The following GPR65 variants were observed in gnomAD, a reference collection of about 807,000 sequenced individuals.
The protein encoded by GPR65 is T-cell death-associated gene 8 protein.
Under a neutral mutation model 0.7 loss-of-function variants are expected in GPR65, and 2 were observed. That is an observed-to-expected ratio of 2.83 (90% CI 1.16 to 8.92). The LOEUF is 8.92. Ranked by LOEUF, GPR65 falls within the 30% of genes most tolerant of loss-of-function variation. The pLI, the probability that GPR65 is intolerant of heterozygous loss-of-function variation, is 0.04. For missense variants in GPR65, 379 were observed against 399.4 expected, an observed-to-expected ratio of 0.95 and a Z score of 0.43; for synonymous variants, 128 against 146.5, an observed-to-expected ratio of 0.87 and a Z score of 0.91.
At position 88,010,874 on chromosome 14, in the gene GPR65, G is replaced by A. The variant is rs1432628783; in HGVS notation, c.27G>A (p.Gln9=). ...TGAACAGCACATGTATTGAAGAACA[G>A]CATGACCTGGATCACTATTTGTTTC... MNSTCIEE[Q]HDLDHYLFPI... is the part of the protein sequence containing the mutation. Residue 9 remains glutamine (Q), a synonymous_variant, in exon 2 of 2, where the codon CAG becomes CAA. Transcript: ENST00000267549. 1.2e-6 allele frequency: 2 copies of A among 1,612,990 alleles called. No individual in the cohort carries two copies. The highest frequency in any genetic ancestry group is 2.7e-5 in the African/African-American group (2 of 74,894).
chr14:88,007,440 A>T (rs1322253811), intron 1 of GPR65, among the ~76,000 whole-genome samples: 1 of 151,920 alleles, frequency 6.6e-6, no homozygotes, highest in Non-Finnish European at 1.5e-5. Flanking sequence ...TAACATGCTG[A>T]TAATTTTGTG....
chr14:88,011,590 T>G lies in GPR65; in HGVS notation c.743T>G (p.Ile248Ser). Reference protein sequence around the residue: ...CFTPFHVMLLIRCILEHAVNF... With the variant: ...CFTPFHVMLLSRCILEHAVNF... Reference sequence around the variant, plus strand: ...ACTCCCTTTCATGTGATGTTGCTGATTCGCTGCATTTTAGAGCATGCTGTG... The same window carrying G: ...ACTCCCTTTCATGTGATGTTGCTGAGTCGCTGCATTTTAGAGCATGCTGTG... Residue 248 changes from isoleucine to serine, a missense_variant, in exon 2 of 2, where the codon ATT becomes AGT. Physicochemically the swap from Ile to Ser is moderately radical, Grantham distance 142. Transcript: ENST00000267549. 1 of 1,614,144 alleles carries G rather than the reference T, an allele frequency of 6.2e-7. No individual in the cohort carries two copies. Among genetic ancestry groups the G allele is most frequent in the East Asian group, 2.2e-5 (1 of 44,888 alleles).
At position 88,014,225 on chromosome 14, in the gene GPR65, G is replaced by C. The variant is rs560485000; in HGVS notation, c.*2364G>C. Reference sequence around the variant, plus strand: ...TTCCACCCATATGTAAAAGAACATAGGTTAAGTTGTCTAATTCTTGCAGGA... The same window carrying C: ...TTCCACCCATATGTAAAAGAACATACGTTAAGTTGTCTAATTCTTGCAGGA... On this transcript the variant is annotated 3_prime_UTR_variant, in exon 2 of 2. Coordinates refer to ENST00000267549, the MANE Select transcript of GPR65 (RefSeq NM_003608.4). 11 of 152,294 alleles carry C rather than the reference G, an allele frequency of 7.2e-5. No homozygotes were observed. The South Asian group carries it at 2.3e-3, about 32-fold the overall frequency. 9.4% of individuals were successfully genotyped at this position (152,294 alleles called of 1,614,324 possible).
chr14:88,012,792 A>G lies in GPR65; in HGVS notation c.*931A>G, dbSNP rs1206015650. Reference sequence around the variant, plus strand: ...ATTCCATAAACTAGGTTTTGAGTTAAGTACTGGGGCTATGAAAGAAATGGT... The same window carrying G: ...ATTCCATAAACTAGGTTTTGAGTTAGGTACTGGGGCTATGAAAGAAATGGT... On this transcript the variant is annotated 3_prime_UTR_variant, in exon 2 of 2. Coordinates refer to ENST00000267549, the MANE Select transcript of GPR65 (RefSeq NM_003608.4). The G allele has an allele frequency of 6.6e-6, 1 of 152,194 alleles. No individual in the cohort carries two copies. Among genetic ancestry groups the G allele is most frequent in the Non-Finnish European group, 1.5e-5 (1 of 68,038 alleles). The allele number at this position is 152,194 out of a possible 1,614,324, so 9.4% of individuals were successfully genotyped here.
chr14:88,011,580 A>T lies in GPR65; in HGVS notation c.733A>T (p.Met245Leu), dbSNP rs1359838367. Residue 245 changes from methionine (M) to leucine (L), a missense_variant, in exon 2 of 2, where the codon ATG becomes TTG. Transcript: ENST00000267549. ...CTTATGCTTTACTCCCTTTCATGTGATGTTGCTGATTCGCTGCATTTTAGA... is the reference window on the plus strand; with the variant it reads ...CTTATGCTTTACTCCCTTTCATGTGTTGTTGCTGATTCGCTGCATTTTAGA... ...FVLCFTPFHV[M>L]LLIRCILEHA... is the part of the protein sequence containing the mutation. The T allele has an allele frequency of 6.2e-7, 1 of 1,613,960 alleles. No homozygotes were observed. Among genetic ancestry groups the T allele is most frequent in the African/African-American group, 1.3e-5 (1 of 74,910 alleles).
In GPR65 at chr14:88,008,273, T is replaced by C. The variant is rs183128463; in HGVS notation, c.-459-2116T>C. ...GGAACCAGCCACCCCTACCAAGAGA[T>C]AGAACATTGCCAAATCTCAGAAGTC... On this transcript the variant is annotated intron_variant, in intron 1 of 1. Transcript: ENST00000267549. 7.0e-3 allele frequency among the ~76,000 whole-genome samples: 1,065 copies of C among 152,268 alleles called. 9 individuals are homozygous for C. The highest frequency in any genetic ancestry group is 0.011 in the Non-Finnish European group (747 of 68,012).
chr14:88,010,218 T>C lies in GPR65; in HGVS notation c.-459-171T>C, dbSNP rs111327629. On this transcript the variant is annotated intron_variant, in intron 1 of 1. Coordinates refer to ENST00000267549, the MANE Select transcript of GPR65 (RefSeq NM_003608.4). The stretch of plus-strand genomic sequence containing the variant: ...AGTAAAATGTCTTGACTTGATTTTA[T>C]TTACTGAAGTCAATAAGATAATTTT... Among the ~76,000 whole-genome samples, 467 of 152,346 alleles carry C rather than the reference T, an allele frequency of 3.1e-3. 2 individuals carry two copies. The highest frequency in any genetic ancestry group is 0.011 in the African/African-American group (446 of 41,576).
Position 88,011,885 on chromosome 14 carries a change from G to T in GPR65, c.*24G>T. The stretch of plus-strand genomic sequence containing the variant: ...AGAACCAAGGATGTTTTGAAGGGAA[G>T]GGAAGTTTAAGTTATGCATTATTAT... On this transcript the variant is annotated 3_prime_UTR_variant, in exon 2 of 2. Transcript: ENST00000267549. 6.7e-7 allele frequency: 1 copy of T among 1,496,770 alleles called. No homozygotes were observed. The highest frequency in any genetic ancestry group is 1.4e-5 in the South Asian group (1 of 73,596). 92.7% of individuals were successfully genotyped at this position (1,496,770 alleles called of 1,614,324 possible). A position where few individuals can be genotyped will look rare whatever the true frequency, so the allele number is the denominator to read the frequency against.
At chr14:88,007,023 G>A (rs1208280289) in intron 1 of GPR65, among the ~76,000 whole-genome samples, 1 of 152,040 alleles carries the variant, frequency 6.6e-6, no homozygotes, top group African/African-American at 2.4e-5. Context: ...TTAGCAATTT[G>A]GAACTTTTAA....
rs947076002 is a variant in GPR65, at chr14:88,014,529, A to G, written c.*2668A>G. On this transcript the variant is annotated 3_prime_UTR_variant, in exon 2 of 2. Transcript: ENST00000267549. ...CCCTGCAAAGAACAGTAATACAATC[A>G]TGTTCTAATTTACTAGCATTTGCAT... 2 of 152,256 alleles carry G rather than the reference A, an allele frequency of 1.3e-5. No individual in the cohort carries two copies. The highest frequency in any genetic ancestry group is 3.8e-4 in the East Asian group (2 of 5,202). The allele number at this position is 152,256 out of a possible 1,614,324, so 9.4% of individuals were successfully genotyped here. A position where few individuals can be genotyped will look rare whatever the true frequency, so the allele number is the denominator to read the frequency against.
intron 1 of GPR65, among the ~76,000 whole-genome samples, chr14:88,007,613 C>T (rs868607992): frequency 2.7e-3 from 409 of 150,456 alleles, no homozygotes; most frequent in African/African-American, 9.5e-3. Context: ...ATTTTTTAAT[C>T]TCTTCCTCCT....
At chr14:88,009,611 G>T (rs1165077744) in intron 1 of GPR65, among the ~76,000 whole-genome samples, 1 of 152,060 alleles carries the variant, frequency 6.6e-6, no homozygotes, top group Non-Finnish European at 1.5e-5. Context: ...GCAGCAAAGG[G>T]ATATAGACAA....
rs1887576001 is a variant in GPR65 at position 88,005,223 on chromosome 14, G to GT, written c.-460+2dup. On this transcript the variant is annotated splice_donor_variant, in intron 1 of 1. Transcript: ENST00000267549. LOFTEE classifies it low-confidence loss of function (5UTR_SPLICE). ...AAACACATCACCGGAAGAAATATGG[G>GT]TAAGTATAAGATTAAAAAATAAAAT... 6.6e-6 allele frequency: 1 copy of GT among 152,174 alleles called. No individual in the cohort carries two copies. The highest frequency in any genetic ancestry group is 6.6e-5 in the Admixed American group (1 of 15,244). 9.4% of individuals were successfully genotyped at this position (152,174 alleles called of 1,614,324 possible). A position where few individuals can be genotyped will look rare whatever the true frequency, so the allele number is the denominator to read the frequency against.
rs560485000 is a variant in GPR65, at chr14:88,014,225, G to A, written c.*2364G>A. The A allele has an allele frequency of 6.6e-6, 1 of 152,176 alleles. No homozygotes were observed. The highest frequency in any genetic ancestry group is 1.9e-4 in the East Asian group (1 of 5,194). 9.4% of individuals were successfully genotyped at this position (152,176 alleles called of 1,614,324 possible). On this transcript the variant is annotated 3_prime_UTR_variant, in exon 2 of 2. Transcript: ENST00000267549. ...TTCCACCCATATGTAAAAGAACATAGGTTAAGTTGTCTAATTCTTGCAGGA... is the reference window on the plus strand; with the variant it reads ...TTCCACCCATATGTAAAAGAACATAAGTTAAGTTGTCTAATTCTTGCAGGA...
In GPR65 at chr14:88,010,573, A is replaced by G; in HGVS notation, c.-275A>G. The G allele has an allele frequency of 2.7e-6, 1 of 365,352 alleles. No homozygotes were observed. The highest frequency in any genetic ancestry group is 3.7e-5 in the South Asian group (1 of 27,014). The allele number at this position is 365,352 out of a possible 1,614,324, so 22.6% of individuals were successfully genotyped here. A position where few individuals can be genotyped will look rare whatever the true frequency, so the allele number is the denominator to read the frequency against. ...TTGTCAGCGTTCTGTGATAATGAAC[A>G]CATGGACTTCTGTTTATTAAATTCA... On this transcript the variant is annotated 5_prime_UTR_variant, in exon 2 of 2. Transcript: ENST00000267549.
In GPR65 at chr14:88,011,459, G is replaced by C. The variant is rs778453636; in HGVS notation, c.612G>C (p.Arg204=). The change falls in exon 2 of 2, where the codon CGG becomes CGC. Residue 204 remains arginine (R), a synonymous_variant. Coordinates refer to ENST00000267549, the MANE Select transcript of GPR65 (RefSeq NM_003608.4). ...TGGTCACCATCCTGATCTGCAACCG[G>C]AAAGTCTACCAAGCTGTGCGGCACA... ...IPLVTILICN[R]KVYQAVRHNK... The C allele has an allele frequency of 1.9e-6, 3 of 1,614,076 alleles. No individual in the cohort carries two copies.
chr14:88,006,084 A>G lies in GPR65; in HGVS notation c.-460+862A>G, dbSNP rs77681699. On this transcript the variant is annotated intron_variant, in intron 1 of 1. Coordinates refer to ENST00000267549, the MANE Select transcript of GPR65 (RefSeq NM_003608.4). ...TGAACAACTATTATCTGCAGAGCCT[A>G]GTATTATACGTGAAGTGTTACCATA... Among the ~76,000 whole-genome samples, 1,225 of 152,284 alleles carry G rather than the reference A, an allele frequency of 8.0e-3. 42 individuals carry two copies. Among genetic ancestry groups the G allele is most frequent in the Admixed American group, 0.053 (810 of 15,276 alleles).
chr14:88,014,735 T>A lies in GPR65; in HGVS notation c.*2874T>A, dbSNP rs1338746870. ...GCCATAAAGGGATGAGCTAGAGAGG[T>A]CTCCATATTATCATTCAATGTGAGA... On this transcript the variant is annotated 3_prime_UTR_variant, in exon 2 of 2. Coordinates refer to ENST00000267549, the MANE Select transcript of GPR65 (RefSeq NM_003608.4). 6.6e-6 allele frequency: 1 copy of A among 151,918 alleles called. No individual in the cohort carries two copies. Among genetic ancestry groups the A allele is most frequent in the Admixed American group, 6.6e-5 (1 of 15,244 alleles). The allele number at this position is 151,918 out of a possible 1,614,324, so 9.4% of individuals were successfully genotyped here.
Position 88,010,660 on chromosome 14 carries a change from G to A in GPR65, c.-188G>A. On this transcript the variant is annotated 5_prime_UTR_variant, in exon 2 of 2. Coordinates refer to ENST00000267549, the MANE Select transcript of GPR65 (RefSeq NM_003608.4). ...TTTACTTCCAACTGCTGATATCTGT[G>A]TAAAAATTGATCTACATCCACCCTT... 1 of 551,458 alleles carries A rather than the reference G, an allele frequency of 1.8e-6. No homozygotes were observed. 34.2% of individuals were successfully genotyped at this position (551,458 alleles called of 1,614,324 possible).
Sources: gnomAD v4.1 joint callset for allele counts (sites outside exome capture counted in the v4.1 genomes callset) on GRCh38, gnomAD v4.1.1 for gene constraint, MANE v1.5 for transcripts, NCBI Gene and HGNC (gene_info 2026-07-23, HGNC 2026-07-21) for gene names.